The following SLC24A3 variants were observed in gnomAD, a reference collection of about 807,000 sequenced individuals.
The protein encoded by SLC24A3 is solute carrier family 24 member 3.
SLC24A3 carries 28 observed loss-of-function variants against 75.8 expected under a neutral mutation model. The ratio of observed to expected loss-of-function variants is 0.37; its 90% CI spans 0.27 to 0.51. The LOEUF (loss-of-function observed/expected upper bound fraction) is 0.51, where lower values mean the gene tolerates loss of function less well. Among genes scored for constraint, SLC24A3 ranks in the 20% least tolerant of loss-of-function variants. The pLI is 0.94. For synonymous variants in SLC24A3, 372 were observed against 334.1 expected, an observed-to-expected ratio of 1.11 and a Z score of -1.24; for missense variants, 663 against 847.8, an observed-to-expected ratio of 0.78 and a Z score of 2.71.
chr20:19,606,738 G>C (rs2031602615), intron 6 of SLC24A3, among the ~76,000 whole-genome samples: 1 of 152,220 alleles, frequency 6.6e-6, no homozygotes, highest in South Asian at 2.1e-4. Flanking sequence ...AATGCCCATG[G>C]CATAGAAGGA....
chr20:19,538,571 G>T (rs1240823724), intron 3 of SLC24A3, among the ~76,000 whole-genome samples: 1 of 152,126 alleles, frequency 6.6e-6, no homozygotes, highest in Admixed American at 6.5e-5. Context: ...TCACAATGTA[G>T]TACCACTATA....
At position 19,384,577 on chromosome 20, in the gene SLC24A3, T is replaced by G. The variant is rs143926249; in HGVS notation, c.271+103490T>G. On this transcript the variant is annotated intron_variant, in intron 2 of 16. Coordinates refer to ENST00000328041, the MANE Select transcript of SLC24A3 (RefSeq NM_020689.4). ...CACCTTTTCTTTACCTATTCATCTG[T>G]AGGTAGATGGACACTTAGGTTGATT... Among the ~76,000 whole-genome samples the G allele has an allele frequency of 5.9e-5, 9 of 152,326 alleles. No homozygotes were observed. The East Asian group carries it at 1.5e-3, about 26-fold the overall frequency.
intron 4 of SLC24A3, among the ~76,000 whole-genome samples, chr20:19,581,615 C>T (rs745404649): frequency 1.3e-5 from 2 of 152,168 alleles, no homozygotes; most frequent in East Asian, 1.9e-4. Flanking sequence ...ATGGTTCAGT[C>T]GCTAAACAGT....
At chr20:19,549,542 G>A (rs2030657644) in intron 3 of SLC24A3, among the ~76,000 whole-genome samples, 1 of 152,152 alleles carries the variant, frequency 6.6e-6, no homozygotes, top group South Asian at 2.1e-4. Context: ...CCAGCACTTT[G>A]GGAGGCCAAG....
intron 8 of SLC24A3, among the ~76,000 whole-genome samples, chr20:19,666,097 G>C (rs530609203): frequency 2.0e-5 from 3 of 152,184 alleles, no homozygotes; most frequent in Admixed American, 1.3e-4. Flanking sequence ...GGCTAGAGTG[G>C]TGGGGTTCTA....
chr20:19,238,416 G>T (rs1037201860), intron 1 of SLC24A3, among the ~76,000 whole-genome samples: 1 of 152,228 alleles, frequency 6.6e-6, no homozygotes, highest in Non-Finnish European at 1.5e-5. Context: ...GTGCAGCTCA[G>T]AACATTCTTG....
chr20:19,395,219 T>C (rs1204022622), intron 2 of SLC24A3, among the ~76,000 whole-genome samples: 2 of 152,178 alleles, frequency 1.3e-5, no homozygotes, highest in Non-Finnish European at 2.9e-5. Context: ...GTAATGGTCA[T>C]AGAGTTTCAG....
intron 2 of SLC24A3, among the ~76,000 whole-genome samples, chr20:19,466,767 A>G (rs1454751498): frequency 1.3e-5 from 2 of 150,594 alleles, no homozygotes; most frequent in African/African-American, 5.0e-5. Flanking sequence ...TATTTAAAGC[A>G]CCTCTCGTCT....
intron 3 of SLC24A3, among the ~76,000 whole-genome samples, chr20:19,528,389 G>A (rs939566954): frequency 2.0e-5 from 3 of 151,980 alleles, no homozygotes; most frequent in Middle Eastern, 3.2e-3. Flanking sequence ...TTTACCTTTG[G>A]TGCCCTTAAC....
At chr20:19,303,687 A>G (rs754341343) in intron 2 of SLC24A3, among the ~76,000 whole-genome samples, 1 of 152,240 alleles carries the variant, frequency 6.6e-6, no homozygotes, top group African/African-American at 2.4e-5. Context: ...CTAAAACTCC[A>G]GAAAGGAAAA....
intron 2 of SLC24A3, among the ~76,000 whole-genome samples, chr20:19,327,663 G>A (rs1001348868): frequency 3.3e-5 from 5 of 152,190 alleles, no homozygotes; most frequent in African/African-American, 7.2e-5. Context: ...TGTTACTGAC[G>A]TGAGCTTGTC....
intron 6 of SLC24A3, among the ~76,000 whole-genome samples, chr20:19,631,184 A>C (rs2031928420): frequency 2.6e-5 from 4 of 152,184 alleles, no homozygotes; most frequent in Non-Finnish European, 4.4e-5. Flanking sequence ...TCTACAAAAA[A>C]GAAAAAGAAA....
chr20:19,412,479 G>A (rs1290761223), intron 2 of SLC24A3, among the ~76,000 whole-genome samples: 1 of 151,792 alleles, frequency 6.6e-6, no homozygotes, highest in Non-Finnish European at 1.5e-5. Context: ...GGAGAAGGAG[G>A]GAGAATAAGA....
intron 6 of SLC24A3, among the ~76,000 whole-genome samples, chr20:19,630,094 G>T (rs771001678): frequency 6.6e-6 from 1 of 152,166 alleles, no homozygotes; most frequent in Admixed American, 6.5e-5. Flanking sequence ...AATTATTGGT[G>T]AGTAAAGAGA....
At chr20:19,225,014 T>G (rs76312338) in intron 1 of SLC24A3, among the ~76,000 whole-genome samples, 1,809 of 152,318 alleles carry the variant, frequency 0.012, 51 homozygotes, top group African/African-American at 0.042. Flanking sequence ...GAGATTTGTT[T>G]AATCAGAAAC....
chr20:19,670,096 G>A (rs544686299), intron 8 of SLC24A3, among the ~76,000 whole-genome samples: 52 of 152,142 alleles, frequency 3.4e-4, no homozygotes, highest in African/African-American at 1.2e-3. Context: ...GAAACATGTC[G>A]TACAAAACCA....
rs542308917 is a variant in SLC24A3 at position 19,376,406 on chromosome 20, A to C, written c.271+95319A>C. On this transcript the variant is annotated intron_variant, in intron 2 of 16. Coordinates refer to ENST00000328041, the MANE Select transcript of SLC24A3 (RefSeq NM_020689.4). ...TAACATAAAGGGTAAGAGAAGGATT[A>C]ATGGAAACTATTGAACAAAGTGAGG... Among the ~76,000 whole-genome samples the C allele has an allele frequency of 4.7e-4, 71 of 152,310 alleles. 1 individual carries two copies. The highest frequency in any genetic ancestry group is 1.6e-4 in the Non-Finnish European group (11 of 68,032).
At chr20:19,542,379 C>A (rs1229466501) in intron 3 of SLC24A3, among the ~76,000 whole-genome samples, 32 of 152,210 alleles carry the variant, frequency 2.1e-4, no homozygotes, top group Admixed American at 2.1e-3. Context: ...AACCTCAGGG[C>A]AGGGCTGCTG....
At chr20:19,512,170 G>A (rs1038043821) in intron 2 of SLC24A3, among the ~76,000 whole-genome samples, 1 of 152,216 alleles carries the variant, frequency 6.6e-6, no homozygotes, top group African/African-American at 2.4e-5. Context: ...GGAGCTCCCA[G>A]CTGGGCATGG....
Sources: gnomAD v4.1 joint callset for allele counts (sites outside exome capture counted in the v4.1 genomes callset) on GRCh38, gnomAD v4.1.1 for gene constraint, MANE v1.5 for transcripts, NCBI Gene and HGNC (gene_info 2026-07-23, HGNC 2026-07-21) for gene names.